The following NXPH2 variants were observed in gnomAD, a reference collection of about 807,000 sequenced individuals.
NXPH2 encodes neurexophilin 2.
NXPH2 carries 5 observed loss-of-function variants against 19.8 expected under a neutral mutation model. That is an observed-to-expected ratio of 0.25 (90% confidence interval 0.13 to 0.53). The LOEUF (loss-of-function observed/expected upper bound fraction) is 0.53. NXPH2 is among the 20% of genes least tolerant of loss of function. The pLI, the probability that NXPH2 is intolerant of heterozygous loss-of-function variation, is 0.96. For synonymous variants in NXPH2, 154 were observed against 127.4 expected (o/e 1.21, Z -1.41); for missense variants, 289 against 322.8 (o/e 0.90, Z 0.80).
chr2:138,777,577 T>A (rs368076003), intron 1 of NXPH2, among the ~76,000 whole-genome samples: 4 of 151,958 alleles, frequency 2.6e-5, no homozygotes, highest in African/African-American at 2.4e-5. Context: ...CTGTATTATA[T>A]ATACGTGTAT....
chr2:138,740,855 G>A (rs1320358243), intron 1 of NXPH2, among the ~76,000 whole-genome samples: 2 of 151,632 alleles, frequency 1.3e-5, no homozygotes, highest in African/African-American at 4.9e-5. Context: ...ATGAAGCCAC[G>A]CTGTAAACTC....
At chr2:138,703,801 CCTAA>C (rs1186872288) in intron 1 of NXPH2, among the ~76,000 whole-genome samples, 5 of 152,300 alleles carry the variant, frequency 3.3e-5, no homozygotes, top group African/African-American at 9.6e-5. Flanking sequence ...TAAATAACCT[CCTAA>C]CTGAGAAACA....
intron 1 of NXPH2, among the ~76,000 whole-genome samples, chr2:138,712,651 A>G (rs1436489671): frequency 6.6e-6 from 1 of 152,198 alleles, no homozygotes; most frequent in African/African-American, 2.4e-5. Flanking sequence ...AACTCCCAGA[A>G]GGCAATGCTT....
At chr2:138,687,555 T>A (rs1387380779) in intron 1 of NXPH2, among the ~76,000 whole-genome samples, 1 of 152,220 alleles carries the variant, frequency 6.6e-6, no homozygotes, top group Non-Finnish European at 1.5e-5. Context: ...TTTAGTGTAA[T>A]TAGATCCCAT....
At chr2:138,699,654 G>A (rs1374008390) in intron 1 of NXPH2, among the ~76,000 whole-genome samples, 1 of 152,102 alleles carries the variant, frequency 6.6e-6, no homozygotes, top group East Asian at 1.9e-4. Context: ...AGGCCTTGCT[G>A]GGCCAGGCTT....
chr2:138,673,724 T>TGCCTCATCCTCCC (rs1379806522), intron 1 of NXPH2, among the ~76,000 whole-genome samples: 4 of 151,780 alleles, frequency 2.6e-5, no homozygotes, highest in Non-Finnish European at 5.9e-5. Context: ...GTGATCCTCC[T>TGCCTCATCCTCCC]GCCTCATCCT....
chr2:138,692,972 T>G (rs569843890), intron 1 of NXPH2, among the ~76,000 whole-genome samples: 1 of 152,216 alleles, frequency 6.6e-6, no homozygotes, highest in Non-Finnish European at 1.5e-5. Context: ...ATGTAAGTTA[T>G]AGTTCCATTT....
intron 1 of NXPH2, among the ~76,000 whole-genome samples, chr2:138,738,006 T>A (rs1438388709): frequency 6.6e-6 from 1 of 152,008 alleles, no homozygotes; most frequent in Non-Finnish European, 1.5e-5. Flanking sequence ...CATGTTGGTG[T>A]GCTGCACCCA....
At chr2:138,704,012 T>C (rs1370115422) in intron 1 of NXPH2, among the ~76,000 whole-genome samples, 2 of 152,208 alleles carry the variant, frequency 1.3e-5, no homozygotes, top group Non-Finnish European at 2.9e-5. Flanking sequence ...ATTGTAATGA[T>C]TTGAACGTAT....
intron 1 of NXPH2, among the ~76,000 whole-genome samples, chr2:138,679,861 C>T (rs1320241205): frequency 6.6e-6 from 1 of 152,070 alleles, no homozygotes; most frequent in Non-Finnish European, 1.5e-5. Context: ...CTGATTTTGC[C>T]TATACCTGCA....
chr2:138,704,243 G>T (rs1206946598), intron 1 of NXPH2, among the ~76,000 whole-genome samples: 1 of 152,144 alleles, frequency 6.6e-6, no homozygotes, highest in Non-Finnish European at 1.5e-5. Flanking sequence ...AATACTAGTA[G>T]ATATACCATC....
chr2:138,774,159 G>A (rs1682222454), intron 1 of NXPH2, among the ~76,000 whole-genome samples: 1 of 152,170 alleles, frequency 6.6e-6, no homozygotes. Context: ...ATTTAACTGA[G>A]AGTCAATTTT....
At chr2:138,674,798 T>C (rs1399924206) in intron 1 of NXPH2, among the ~76,000 whole-genome samples, 1 of 152,210 alleles carries the variant, frequency 6.6e-6, no homozygotes, top group Non-Finnish European at 1.5e-5. Flanking sequence ...CCAATTTCTC[T>C]TCTGTGATCA....
At chr2:138,711,408 T>G (rs1681104430) in intron 1 of NXPH2, among the ~76,000 whole-genome samples, 1 of 152,170 alleles carries the variant, frequency 6.6e-6, no homozygotes, top group Admixed American at 6.5e-5. Flanking sequence ...CCCAAAGTGC[T>G]GGGATTACAG....
chr2:138,770,633 A>G (rs2104843908), intron 1 of NXPH2, among the ~76,000 whole-genome samples: 1 of 152,208 alleles, frequency 6.6e-6, no homozygotes, highest in African/African-American at 2.4e-5. Context: ...GAAATAGAAC[A>G]GATACAAACA....
intron 1 of NXPH2, among the ~76,000 whole-genome samples, chr2:138,777,253 T>G (rs1398875162): frequency 1.3e-5 from 2 of 152,116 alleles, no homozygotes; most frequent in Non-Finnish European, 2.9e-5. Context: ...AATGCTAATT[T>G]TTTTCTTCAT....
chr2:138,736,907 T>C (rs1681554835), intron 1 of NXPH2, among the ~76,000 whole-genome samples: 1 of 152,216 alleles, frequency 6.6e-6, no homozygotes, highest in South Asian at 2.1e-4. Flanking sequence ...ACCAGCCTCT[T>C]TGTTGAAACA....
intron 1 of NXPH2, among the ~76,000 whole-genome samples, chr2:138,691,862 A>G (rs1401186715): frequency 2.0e-5 from 3 of 152,342 alleles, no homozygotes; most frequent in African/African-American, 7.2e-5. Context: ...TGCCCTTTCC[A>G]AAAGCAGAAG....
chr2:138,678,735 T>C (rs1680524861), intron 1 of NXPH2, among the ~76,000 whole-genome samples: 1 of 152,350 alleles, frequency 6.6e-6, no homozygotes, highest in African/African-American at 2.4e-5. Flanking sequence ...AAAAAAGAGC[T>C]TATTCTATGA....
Sources: gnomAD v4.1 joint callset for allele counts (sites outside exome capture counted in the v4.1 genomes callset) on GRCh38, gnomAD v4.1.1 for gene constraint, MANE v1.5 for transcripts, NCBI Gene and HGNC (gene_info 2026-07-23, HGNC 2026-07-21) for gene names.